CNBD1: variants seen among roughly 807,000 people sequenced by gnomAD.
CNBD1 encodes the protein cyclic nucleotide binding domain containing 1.
CNBD1 carries 71 observed loss-of-function variants against 54.4 expected under a neutral mutation model. That is an observed-to-expected ratio of 1.30 (90% CI 1.08 to 1.59). The LOEUF is 1.59. Among genes scored for constraint, CNBD1 ranks in the 40% most tolerant of loss-of-function variants. CNBD1 has a pLI of 0.00. For missense variants in CNBD1, 659 were observed against 518.0 expected, an observed-to-expected ratio of 1.27 and a Z score of -2.64; for synonymous variants, 182 against 170.7, an observed-to-expected ratio of 1.07 and a Z score of -0.51.
At chr8:87,137,491 C>T (rs1048524300) in intron 4 of CNBD1, among the ~76,000 whole-genome samples, 3 of 151,870 alleles carry the variant, frequency 2.0e-5, no homozygotes, top group Non-Finnish European at 4.4e-5. Context: ...CGTGAGCCAC[C>T]GCGGCCGGCC....
At chr8:87,276,624 C>A (rs879858051) in intron 6 of CNBD1, among the ~76,000 whole-genome samples, 156 of 151,828 alleles carry the variant, frequency 1.0e-3, no homozygotes, top group Non-Finnish European at 1.9e-3. Context: ...TAGCTTGCCT[C>A]AGACCAGTCC....
intron 4 of CNBD1, among the ~76,000 whole-genome samples, chr8:86,945,474 C>T (rs568660213): frequency 6.6e-6 from 1 of 152,246 alleles, no homozygotes; most frequent in South Asian, 2.1e-4. Flanking sequence ...CTTATGCTGT[C>T]GTCCTCTGGT....
intron 4 of CNBD1, among the ~76,000 whole-genome samples, chr8:86,992,531 G>A (rs75535463): frequency 0.021 from 3,241 of 152,066 alleles, 117 homozygotes; most frequent in African/African-American, 0.068. Context: ...TGGTTGTTTT[G>A]TAAATTTGAT....
intron 4 of CNBD1, among the ~76,000 whole-genome samples, chr8:87,180,405 T>C (rs112626811): frequency 0.011 from 1,672 of 152,262 alleles, 28 homozygotes; most frequent in African/African-American, 0.035. Context: ...ATAAGCCTAA[T>C]ACGTTACTGT....
At chr8:86,981,421 A>G (rs969798338) in intron 4 of CNBD1, among the ~76,000 whole-genome samples, 1 of 152,102 alleles carries the variant, frequency 6.6e-6, no homozygotes, top group Non-Finnish European at 1.5e-5. Context: ...CAATTCTCTT[A>G]TTACCCAGAT....
intron 4 of CNBD1, among the ~76,000 whole-genome samples, chr8:87,017,493 C>T (rs1211185218): frequency 1.3e-5 from 2 of 152,110 alleles, no homozygotes; most frequent in Non-Finnish European, 2.9e-5. Flanking sequence ...TTAACTAAAG[C>T]TATCCCTATA....
Position 87,165,694 on chromosome 8 carries a change from T to C in CNBD1, c.432-40299T>C, listed in dbSNP as rs971969356. On this transcript the variant is annotated intron_variant, in intron 4 of 10. Coordinates refer to ENST00000518476, the MANE Select transcript of CNBD1 (RefSeq NM_173538.3). ...GCATATAGTTGGATCTCGTGTTTTA[T>C]GATCAGCCACTCTGTGTACCAAGAC... Among the ~76,000 whole-genome samples the C allele has an allele frequency of 2.6e-5, 4 of 151,912 alleles. No individual in the cohort carries two copies. In the East Asian group the frequency reaches 7.7e-4, roughly 29 times the overall value.
chr8:87,067,572 G>A (rs546681171), intron 4 of CNBD1, among the ~76,000 whole-genome samples: 2 of 151,948 alleles, frequency 1.3e-5, no homozygotes, highest in South Asian at 2.1e-4. Flanking sequence ...AGGTTTCAGG[G>A]CAAAAGCAAG....
chr8:86,927,440 G>T (rs961004884), intron 3 of CNBD1, among the ~76,000 whole-genome samples: 12 of 152,122 alleles, frequency 7.9e-5, no homozygotes, highest in Non-Finnish European at 1.6e-4. Context: ...CTGAGAAGCA[G>T]ACAAGCTGTT....
intron 3 of CNBD1, among the ~76,000 whole-genome samples, chr8:86,907,066 G>A (rs969775491): frequency 6.6e-6 from 1 of 152,172 alleles, no homozygotes; most frequent in Non-Finnish European, 1.5e-5. Flanking sequence ...TTAAATGATG[G>A]CATTGGGACT....
intron 2 of CNBD1, among the ~76,000 whole-genome samples, chr8:87,416,686 G>C (rs189776986): frequency 6.6e-6 from 1 of 151,972 alleles, no homozygotes; most frequent in East Asian, 1.9e-4. Context: ...TTTTTCCCAG[G>C]GGTGTTTGTT....
intron 4 of CNBD1, 50 bp from the exon 5 acceptor site, chr8:87,205,943 T>C: frequency 7.3e-7 from 1 of 1,365,052 alleles, no homozygotes; most frequent in South Asian, 1.8e-5. Context: ...TGTTTGTTTC[T>C]TTGCATTTAT....
intron 2 of CNBD1, among the ~76,000 whole-genome samples, chr8:86,894,035 A>T (rs78249431): frequency 2.0e-3 from 104 of 52,368 alleles, no homozygotes; most frequent in Middle Eastern, 0.033. Flanking sequence ...TAATAGATTA[A>T]TTTTTTTTTT....
At chr8:87,127,372 C>T (rs1329188908) in intron 4 of CNBD1, among the ~76,000 whole-genome samples, 1 of 152,092 alleles carries the variant, frequency 6.6e-6, no homozygotes, top group Non-Finnish European at 1.5e-5. Flanking sequence ...AAGTCTTGTA[C>T]ATCTTTTGTC....
chr8:87,243,494 T>G (rs145731334), intron 6 of CNBD1, among the ~76,000 whole-genome samples: 248 of 152,270 alleles, frequency 1.6e-3, no homozygotes, highest in Middle Eastern at 3.4e-3. Context: ...CGCCATTCCC[T>G]GCGGTCAGTG....
intron 4 of CNBD1, among the ~76,000 whole-genome samples, chr8:86,942,595 C>T (rs1292144061): frequency 3.3e-5 from 5 of 152,200 alleles, no homozygotes; most frequent in Admixed American, 3.3e-4. Flanking sequence ...CTGTTAGCAA[C>T]ACAAAAGCTT....
Position 87,410,570 on chromosome 8 carries a change from A to G in CNBD1, c.214-17976A>G, listed in dbSNP as rs151234614. Among the ~76,000 whole-genome samples, 14 of 152,288 alleles carry G rather than the reference A, an allele frequency of 9.2e-5. No individual in the cohort carries two copies. In the East Asian group the frequency reaches 2.5e-3, roughly 27 times the overall value. Reference sequence around the variant, plus strand: ...ACCTCCTGGTGAAGATGATGTGAACATTGTTGAAATCACAACAAAAAATTT... The same window carrying G: ...ACCTCCTGGTGAAGATGATGTGAACGTTGTTGAAATCACAACAAAAAATTT... On this transcript the variant is annotated intron_variant, in intron 2 of 7. Transcript: ENST00000521593.
At chr8:87,002,848 C>T (rs1323524820) in intron 4 of CNBD1, among the ~76,000 whole-genome samples, 1 of 152,078 alleles carries the variant, frequency 6.6e-6, no homozygotes, top group Non-Finnish European at 1.5e-5. Flanking sequence ...GAGCTCAAGT[C>T]TCTATGTCTT....
intron 6 of CNBD1, among the ~76,000 whole-genome samples, chr8:87,266,422 A>T (rs868693896): frequency 1.6e-5 from 1 of 62,330 alleles, no homozygotes; most frequent in African/African-American, 4.3e-5. Context: ...AGGTCCAAGT[A>T]AAAAAAAAAA....
Sources: gnomAD v4.1 joint callset for allele counts (sites outside exome capture counted in the v4.1 genomes callset) on GRCh38, gnomAD v4.1.1 for gene constraint, MANE v1.5 for transcripts, NCBI Gene and HGNC (gene_info 2026-07-23, HGNC 2026-07-21) for gene names.